Variants in TASP1 observed in about 807,000 individuals in gnomAD.
The protein encoded by TASP1 is threonine aspartase 1.
A neutral mutation model predicts 56.6 loss-of-function variants in TASP1; 16 were observed. The observed-to-expected ratio is 0.28, with a 90% CI of 0.19 to 0.43. TASP1 has a LOEUF of 0.43. TASP1 is among the 20% of genes least tolerant of loss of function. The probability of loss-of-function intolerance (pLI) is 1.00; values close to 1 mark genes in which losing one functional copy is unlikely to be tolerated. For missense variants in TASP1, 393 were observed against 511.6 expected (o/e 0.77, Z 2.24); for synonymous variants, 179 against 184.2 (o/e 0.97, Z 0.23).
the TASP1 span, among the ~76,000 whole-genome samples, chr20:13,268,349 TCTCTC>T: frequency 1.6e-3 from 1 of 634 alleles, no homozygotes. Flanking sequence ...TTCTTCTTCC[TCTCTC>T]TCTCTCTCTC....
At chr20:13,414,117 A>AC (rs2042176942) in intron 13 of TASP1, among the ~76,000 whole-genome samples, 1 of 152,198 alleles carries the variant, frequency 6.6e-6, no homozygotes, top group Admixed American at 6.5e-5. Context: ...TTTAGTTGTC[A>AC]CATCTCTTTA....
chr20:13,519,566 C>A (rs1019556883), intron 10 of TASP1, among the ~76,000 whole-genome samples: 4 of 152,122 alleles, frequency 2.6e-5, no homozygotes, highest in Admixed American at 6.6e-5. Context: ...TGACAAAATT[C>A]AACAACCCTT....
chr20:13,567,595 T>C (rs560954361), intron 7 of TASP1, among the ~76,000 whole-genome samples: 7 of 152,072 alleles, frequency 4.6e-5, no homozygotes, highest in East Asian at 1.9e-4. Flanking sequence ...AGATGCTTCA[T>C]TGTGATCATC....
At chr20:13,447,351 A>T (rs2043448793) in intron 11 of TASP1, among the ~76,000 whole-genome samples, 1 of 152,122 alleles carries the variant, frequency 6.6e-6, no homozygotes, top group Non-Finnish European at 1.5e-5. Context: ...CTGCTTTCAC[A>T]TCTGTGGCAT....
chr20:13,257,966 CT>C, the TASP1 span, among the ~76,000 whole-genome samples: 9 of 152,088 alleles, frequency 5.9e-5, no homozygotes, highest in African/African-American at 2.2e-4. Flanking sequence ...TCATAGCCTA[CT>C]TACTATCTAG....
chr20:13,156,766 T>C, the TASP1 span, among the ~76,000 whole-genome samples: 1 of 152,210 alleles, frequency 6.6e-6, no homozygotes, highest in Non-Finnish European at 1.5e-5. Context: ...CAATCAGTGG[T>C]AGCCATTTCA....
At chr20:13,462,877 G>GTAC (rs2044107422) in intron 11 of TASP1, among the ~76,000 whole-genome samples, 1 of 151,844 alleles carries the variant, frequency 6.6e-6, no homozygotes, top group East Asian at 1.9e-4. Context: ...TAAATTAAAG[G>GTAC]TACAAAAAAT....
the TASP1 span, among the ~76,000 whole-genome samples, chr20:13,224,937 C>T: frequency 6.6e-5 from 10 of 151,014 alleles, no homozygotes; most frequent in Non-Finnish European, 1.2e-4. Context: ...CCTCCACTTC[C>T]CGGGTTCATG....
chr20:13,446,781 A>G (rs1318251317), intron 11 of TASP1, among the ~76,000 whole-genome samples: 1 of 152,200 alleles, frequency 6.6e-6, no homozygotes, highest in Non-Finnish European at 1.5e-5. Context: ...TCAATAGATC[A>G]TGTCATATAA....
the TASP1 span, among the ~76,000 whole-genome samples, chr20:13,357,940 C>T: frequency 6.6e-6 from 1 of 152,132 alleles, no homozygotes; most frequent in African/African-American, 2.4e-5. Context: ...CGTATATGCC[C>T]AGATGGCCTG....
the TASP1 span, among the ~76,000 whole-genome samples, chr20:13,218,111 C>T: frequency 2.6e-5 from 4 of 151,964 alleles, no homozygotes; most frequent in South Asian, 2.1e-4. Context: ...ATCAGCCAGG[C>T]GTGGGGGCAG....
chr20:13,171,845 T>C, the TASP1 span, among the ~76,000 whole-genome samples: 7 of 152,102 alleles, frequency 4.6e-5, no homozygotes, highest in Non-Finnish European at 1.0e-4. Flanking sequence ...CCTGGAAAAG[T>C]TAACTTTTTA....
chr20:13,602,174 C>A (rs986115562), intron 4 of TASP1, among the ~76,000 whole-genome samples: 1 of 151,250 alleles, frequency 6.6e-6, no homozygotes, highest in African/African-American at 2.4e-5. Context: ...CCACCGCACC[C>A]GGCCACCCAT....
At chr20:13,571,594 T>TA (rs2046715653) in intron 6 of TASP1, among the ~76,000 whole-genome samples, 1 of 152,162 alleles carries the variant, frequency 6.6e-6, no homozygotes. Flanking sequence ...CCACTATTTT[T>TA]ATGCTTGCCT....
chr20:13,150,463 G>T, the TASP1 span, among the ~76,000 whole-genome samples: 1 of 152,168 alleles, frequency 6.6e-6, no homozygotes, highest in Non-Finnish European at 1.5e-5. Context: ...TATGAACTAA[G>T]AAACCATACT....
At chr20:13,358,399 G>A in the TASP1 span, among the ~76,000 whole-genome samples, 2 of 152,170 alleles carry the variant, frequency 1.3e-5, no homozygotes, top group Non-Finnish European at 2.9e-5. Flanking sequence ...CCTGCTCTTT[G>A]CTCCGTGAGA....
chr20:13,453,282 G>C (rs542945281), intron 11 of TASP1, among the ~76,000 whole-genome samples: 1 of 152,260 alleles, frequency 6.6e-6, no homozygotes, highest in Admixed American at 6.5e-5. Flanking sequence ...GAGGGATCTT[G>C]TGGCAAAAGA....
At chr20:13,143,075 T>A in the TASP1 span, among the ~76,000 whole-genome samples, 2 of 152,222 alleles carry the variant, frequency 1.3e-5, no homozygotes, top group Non-Finnish European at 2.9e-5. Context: ...TCTGTGATCA[T>A]CTGCTTCAAC....
chr20:13,278,399 G>A, the TASP1 span, among the ~76,000 whole-genome samples: 13 of 152,310 alleles, frequency 8.5e-5, no homozygotes, highest in East Asian at 1.7e-3. Flanking sequence ...GGAAAGCCTC[G>A]TCTTGAGGAG....
Sources: gnomAD v4.1 joint callset for allele counts (sites outside exome capture counted in the v4.1 genomes callset) on GRCh38, gnomAD v4.1.1 for gene constraint, MANE v1.5 for transcripts, NCBI Gene and HGNC (gene_info 2026-07-23, HGNC 2026-07-21) for gene names.